PRICKLE2: variants seen among roughly 807,000 people sequenced by gnomAD.
The protein encoded by PRICKLE2 is prickle-like protein 2.
A neutral mutation model predicts 81.4 loss-of-function variants in PRICKLE2; 21 were observed. The observed-to-expected ratio is 0.26, with a 90% CI of 0.18 to 0.37. PRICKLE2 has a LOEUF of 0.37. PRICKLE2 is among the 10% of genes least tolerant of loss of function. The probability of loss-of-function intolerance (pLI) is 1.00; values close to 1 mark genes in which losing one functional copy is unlikely to be tolerated. For synonymous variants in PRICKLE2, 456 were observed against 421.5 expected (o/e 1.08, Z -1.00); for missense variants, 940 against 1,109.0 (o/e 0.85, Z 2.16).
intron 7 of PRICKLE2, among the ~76,000 whole-genome samples, chr3:64,125,098 C>T (rs569394053): frequency 1.1e-4 from 17 of 152,132 alleles, no homozygotes; most frequent in Non-Finnish European, 2.4e-4. Context: ...TTGATTCTAA[C>T]CCTCATGGAT....
chr3:64,201,622 A>G (rs749099678), intron 1 of PRICKLE2, among the ~76,000 whole-genome samples: 7 of 152,126 alleles, frequency 4.6e-5, no homozygotes, highest in Non-Finnish European at 8.8e-5. Context: ...AGCTTTCTTC[A>G]CATATTTTCT....
At chr3:64,220,777 C>T (rs1382190695) in intron 1 of PRICKLE2, among the ~76,000 whole-genome samples, 1 of 152,168 alleles carries the variant, frequency 6.6e-6, no homozygotes, top group Non-Finnish European at 1.5e-5. Context: ...TAGGTTTCAT[C>T]TTCCAAGTCA....
intron 2 of PRICKLE2, among the ~76,000 whole-genome samples, chr3:64,261,556 G>T (rs1018334098): frequency 2.0e-5 from 3 of 152,176 alleles, no homozygotes; most frequent in African/African-American, 7.2e-5. Flanking sequence ...GTGGAGTGTA[G>T]TCATGGAGCA....
intron 2 of PRICKLE2, among the ~76,000 whole-genome samples, chr3:64,254,671 A>G (rs986770503): frequency 1.3e-5 from 2 of 152,118 alleles, no homozygotes; most frequent in African/African-American, 4.8e-5. Flanking sequence ...AAATGTCATC[A>G]CCTCTCGGAA....
At chr3:64,207,593 C>A in intron 1 of PRICKLE2, among the ~76,000 whole-genome samples, 1 of 152,214 alleles carries the variant, frequency 6.6e-6, no homozygotes, top group Non-Finnish European at 1.5e-5. Flanking sequence ...TCCAGATAAG[C>A]GGGTCTGTTC....
chr3:64,102,556 C>T (rs7625805), intron 7 of PRICKLE2: 23,566 of 152,762 alleles, frequency 0.15, 2,209 homozygotes, highest in East Asian at 0.31. Flanking sequence ...TCAGGTCTCC[C>T]ACTGACTCTA....
chr3:64,220,590 C>G (rs1233482173), intron 1 of PRICKLE2, among the ~76,000 whole-genome samples: 1 of 152,156 alleles, frequency 6.6e-6, no homozygotes, highest in African/African-American at 2.4e-5. Flanking sequence ...ACACTAGCAC[C>G]AGGAAGAAGG....
rs776108509 is a variant in PRICKLE2, at chr3:64,099,211, C to T, written c.2375G>A (p.Gly792Glu). The change falls in exon 8 of 8, where the codon GGA (glycine) becomes GAA (glutamate). Residue 792 changes from glycine to glutamate, a missense_variant. Gly to Glu is a moderately conservative substitution (Grantham distance 98). Transcript: ENST00000638394. The surrounding 1 kb of genome is among the most constrained non-coding windows in gnomAD (Gnocchi z 4.3). ...GCGCGCTGGCTGGGGGATGGGTTCT[C>T]CTAGGAAATAGCCCTCGTTGTCAGA... ...SESDNEGYFL[G>E]EPIPQPARLR... is the part of the protein sequence containing the mutation. The T allele has an allele frequency of 1.9e-6, 3 of 1,614,044 alleles. No individual in the cohort carries two copies. The highest frequency in any genetic ancestry group is 1.7e-5 in the Admixed American group (1 of 59,996).
rs1202287785 is a variant in PRICKLE2, at chr3:64,096,177, C to A, written c.*2874G>T. 1 of 152,162 alleles carries A rather than the reference C, an allele frequency of 6.6e-6. No individual in the cohort carries two copies. Among genetic ancestry groups the A allele is most frequent in the Non-Finnish European group, 1.5e-5 (1 of 68,070 alleles). 9.4% of individuals were successfully genotyped at this position (152,162 alleles called of 1,614,324 possible). On this transcript the variant is annotated 3_prime_UTR_variant, in exon 8 of 8. Transcript: ENST00000638394. ...TTAGGAGAGGTGGGAAAAATAACAA[C>A]CAGGGCATTGGAGAAGAGAGAACGC... is the stretch of plus-strand genomic sequence containing the variant.
intron 2 of PRICKLE2, among the ~76,000 whole-genome samples, chr3:64,239,370 G>T (rs903487232): frequency 2.6e-5 from 4 of 152,152 alleles, no homozygotes; most frequent in African/African-American, 9.7e-5. Flanking sequence ...CTGGGATGAG[G>T]GGAGACATAT....
At chr3:64,128,044 T>G (rs996660736) in intron 7 of PRICKLE2, among the ~76,000 whole-genome samples, 5 of 152,116 alleles carry the variant, frequency 3.3e-5, no homozygotes, top group African/African-American at 1.2e-4. Flanking sequence ...GTTCCACTTC[T>G]GTTCACTGCC....
intron 2 of PRICKLE2, among the ~76,000 whole-genome samples, chr3:64,164,356 A>G (rs73124846): frequency 0.21 from 31,701 of 150,592 alleles, 3,691 homozygotes; most frequent in Non-Finnish European, 0.25. Flanking sequence ...CAACAAAAAT[A>G]AAAAAAAAAA....
At chr3:64,199,689 C>T (rs1318279032) in intron 1 of PRICKLE2, 1 of 152,116 alleles carries the variant, frequency 6.6e-6, no homozygotes, top group Non-Finnish European at 1.5e-5. Context: ...TAAAAATCTC[C>T]CAAACTGAAC....
chr3:64,212,213 G>C (rs1437563959), intron 1 of PRICKLE2, among the ~76,000 whole-genome samples: 5 of 152,202 alleles, frequency 3.3e-5, no homozygotes, highest in Non-Finnish European at 7.3e-5. Flanking sequence ...CTGCCTGTCA[G>C]ACCTGCTGTT....
chr3:64,248,837 C>T (rs1575712636), intron 2 of PRICKLE2, among the ~76,000 whole-genome samples: 1 of 152,046 alleles, frequency 6.6e-6, no homozygotes, highest in Non-Finnish European at 1.5e-5. Flanking sequence ...AACATACTAC[C>T]TGTGCTAGTA....
intron 1 of PRICKLE2, among the ~76,000 whole-genome samples, chr3:64,214,233 C>G (rs1247659075): frequency 6.6e-6 from 1 of 152,110 alleles, no homozygotes; most frequent in Non-Finnish European, 1.5e-5. Context: ...TGCTGAAGTG[C>G]TGGAGGGAAA....
intron 7 of PRICKLE2, among the ~76,000 whole-genome samples, chr3:64,110,984 A>AAAAAAT (rs2076836951): frequency 1.4e-5 from 2 of 146,326 alleles, no homozygotes; most frequent in African/African-American, 2.5e-5. Context: ...AAAAAAAAAA[A>AAAAAAT]GTGTCTTTCA....
intron 2 of PRICKLE2, among the ~76,000 whole-genome samples, chr3:64,250,891 C>T (rs2079438036): frequency 6.6e-6 from 1 of 152,172 alleles, no homozygotes. Context: ...CAGCACACCT[C>T]ACTTCCTCCA....
At chr3:64,248,831 T>C (rs142116971) in intron 2 of PRICKLE2, among the ~76,000 whole-genome samples, 41 of 152,242 alleles carry the variant, frequency 2.7e-4, no homozygotes, top group Admixed American at 1.7e-3. Flanking sequence ...CATGATAACA[T>C]ACTACCTGTG....
Sources: allele counts gnomAD v4.1 joint callset (sites outside exome capture counted in the v4.1 genomes callset), GRCh38; gene constraint gnomAD v4.1.1; non-coding constraint Gnocchi (gnomAD v3.1); transcripts MANE v1.5; gene names NCBI Gene and HGNC (gene_info 2026-07-23, HGNC 2026-07-21).